Variants in NOX4 observed in about 807,000 individuals in gnomAD.
The protein encoded by NOX4 is NADPH oxidase 4.
Under a neutral mutation model 87.6 loss-of-function variants are expected in NOX4, and 69 were observed. The observed-to-expected ratio is 0.79, with a 90% CI of 0.65 to 0.96. NOX4 has a LOEUF of 0.96. NOX4 is among the 40% of genes least tolerant of loss of function. The pLI, the probability that NOX4 is intolerant of heterozygous loss-of-function variation, is 0.00. For synonymous variants in NOX4, 275 were observed against 238.2 expected, an observed-to-expected ratio of 1.15 and a Z score of -1.42; for missense variants, 680 against 681.5, an observed-to-expected ratio of 1.00 and a Z score of 0.02.
At chr11:89,505,380 TATAA>T in the NOX4 span, among the ~76,000 whole-genome samples, 1 of 152,034 alleles carries the variant, frequency 6.6e-6, no homozygotes, top group South Asian at 2.1e-4. Context: ...TTAGAAACAG[TATAA>T]ATAATAACAT....
At chr11:89,533,301 T>C in the NOX4 span, among the ~76,000 whole-genome samples, 1 of 152,174 alleles carries the variant, frequency 6.6e-6, no homozygotes, top group African/African-American at 2.4e-5. Flanking sequence ...TTTATATCAG[T>C]CTTCCTTCCA....
At chr11:89,562,916 T>C in the NOX4 span, among the ~76,000 whole-genome samples, 26 of 152,142 alleles carry the variant, frequency 1.7e-4, no homozygotes, top group South Asian at 4.1e-4. Context: ...TGAGGGGATT[T>C]TCCCCCATGC....
intron 11 of NOX4, among the ~76,000 whole-genome samples, chr11:89,396,544 A>C (rs1337242971): frequency 2.0e-5 from 3 of 152,250 alleles, no homozygotes; most frequent in East Asian, 1.9e-4. Context: ...AAGAGTCAAG[A>C]CCTATCTGTG....
chr11:89,335,358 A>G (rs1481153182), intron 17 of NOX4, among the ~76,000 whole-genome samples: 1 of 151,782 alleles, frequency 6.6e-6, no homozygotes, highest in African/African-American at 2.4e-5. Context: ...ATTTTTGGAA[A>G]TATTCTAGGT....
At chr11:89,445,990 A>G (rs1366283142) in intron 4 of NOX4, among the ~76,000 whole-genome samples, 1 of 152,152 alleles carries the variant, frequency 6.6e-6, no homozygotes, top group Non-Finnish European at 1.5e-5. Context: ...TTATCAAAAT[A>G]TACAAAGAAC....
intron 2 of NOX4, among the ~76,000 whole-genome samples, chr11:89,478,142 C>T (rs1006503878): frequency 1.3e-5 from 2 of 152,038 alleles, no homozygotes; most frequent in Non-Finnish European, 2.9e-5. Context: ...GAGAGTCTTA[C>T]ACTCATTTCT....
intron 17 of NOX4, among the ~76,000 whole-genome samples, chr11:89,327,612 T>C (rs1304320085): frequency 1.3e-5 from 2 of 152,184 alleles, no homozygotes; most frequent in African/African-American, 2.4e-5. Context: ...CAAGTTTGAT[T>C]TGTATTTGAT....
intron 2 of NOX4, among the ~76,000 whole-genome samples, chr11:89,457,936 T>C (rs1017945632): frequency 6.6e-6 from 1 of 152,122 alleles, no homozygotes; most frequent in Admixed American, 6.5e-5. Context: ...AAAAATTCCA[T>C]GTTCATAAAT....
At chr11:89,363,814 T>C (rs990533242) in intron 12 of NOX4, among the ~76,000 whole-genome samples, 1 of 152,108 alleles carries the variant, frequency 6.6e-6, no homozygotes, top group African/African-American at 2.4e-5. Context: ...AACTCAATAA[T>C]AATACATGGT....
At chr11:89,406,745 T>G (rs1942208906) in intron 8 of NOX4, among the ~76,000 whole-genome samples, 1 of 152,070 alleles carries the variant, frequency 6.6e-6, no homozygotes, top group African/African-American at 2.4e-5. Context: ...CTATTTCACT[T>G]TAATTTAAAT....
At chr11:89,343,492 A>C (rs2134920116) in intron 13 of NOX4, among the ~76,000 whole-genome samples, 1 of 151,942 alleles carries the variant, frequency 6.6e-6, no homozygotes, top group South Asian at 2.1e-4. Context: ...GAGAGAGAAA[A>C]TTTTGCTTTT....
intron 8 of NOX4, among the ~76,000 whole-genome samples, chr11:89,418,431 T>G (rs1942907184): frequency 9.0e-6 from 1 of 110,518 alleles, no homozygotes; most frequent in African/African-American, 3.8e-5. Flanking sequence ...AGAATAATAA[T>G]AATAATAATA....
At chr11:89,490,925 G>A in intron 1 of NOX4, 3 of 701,080 alleles carry the variant, frequency 4.3e-6, no homozygotes. Flanking sequence ...AAGAAAAGCT[G>A]TATTCACGGA....
chr11:89,332,894 C>T (rs1472118031), intron 17 of NOX4, among the ~76,000 whole-genome samples: 5 of 151,800 alleles, frequency 3.3e-5, no homozygotes, highest in Non-Finnish European at 7.4e-5. Context: ...ATAATACCAT[C>T]ATATAATTCA....
chr11:89,567,612 A>T, the NOX4 span, among the ~76,000 whole-genome samples: 239 of 152,194 alleles, frequency 1.6e-3, no homozygotes, highest in Non-Finnish European at 2.8e-3. Context: ...GGGAAGGGGG[A>T]AGCCTCTTAT....
intron 8 of NOX4, among the ~76,000 whole-genome samples, chr11:89,408,670 C>A (rs1942315047): frequency 6.6e-6 from 1 of 152,170 alleles, no homozygotes. Flanking sequence ...TGCAGCTTAA[C>A]CACAGCAGGA....
chr11:89,513,882 TAA>T, the NOX4 span, among the ~76,000 whole-genome samples: 1 of 152,060 alleles, frequency 6.6e-6, no homozygotes, highest in Non-Finnish European at 1.5e-5. Context: ...ATATCATTTT[TAA>T]AAATAATATT....
At chr11:89,552,548 T>C in the NOX4 span, among the ~76,000 whole-genome samples, 1 of 152,214 alleles carries the variant, frequency 6.6e-6, no homozygotes, top group African/African-American at 2.4e-5. Flanking sequence ...CTAGGTAAGT[T>C]ACCATCTAGA....
chr11:89,358,968 C>T (rs1485619765), intron 12 of NOX4, among the ~76,000 whole-genome samples: 2 of 151,822 alleles, frequency 1.3e-5, no homozygotes, highest in East Asian at 3.9e-4. Context: ...GAAGTGATAC[C>T]GTGATGAGCT....
Sources: gnomAD v4.1 joint callset for allele counts (sites outside exome capture counted in the v4.1 genomes callset) on GRCh38, gnomAD v4.1.1 for gene constraint, MANE v1.5 for transcripts, NCBI Gene and HGNC (gene_info 2026-07-23, HGNC 2026-07-21) for gene names.